Variants in JAK2 observed in about 807,000 individuals in gnomAD.
JAK2 encodes Janus kinase 2.
Under a neutral mutation model 139.3 loss-of-function variants are expected in JAK2, and 86 were observed. The ratio of observed to expected loss-of-function variants is 0.62; its 90% CI spans 0.52 to 0.74. The LOEUF is 0.74. JAK2 is among the 30% of genes least tolerant of loss of function. The pLI is 0.00. For missense variants in JAK2, 1,421 were observed against 1,360.3 expected (o/e 1.04, Z -0.70); for synonymous variants, 490 against 437.7 (o/e 1.12, Z -1.49).
intron 2 of JAK2, among the ~76,000 whole-genome samples, chr9:4,998,840 T>C (rs1331926775): frequency 6.6e-6 from 1 of 151,902 alleles, no homozygotes; most frequent in Non-Finnish European, 1.5e-5. Context: ...TCTCAGGAGT[T>C]CTTTTTTTGA....
At chr9:4,991,142 A>G (rs1241372422) in intron 2 of JAK2, among the ~76,000 whole-genome samples, 1 of 152,234 alleles carries the variant, frequency 6.6e-6, no homozygotes, top group East Asian at 1.9e-4. Flanking sequence ...CTTGGTCGAT[A>G]ACTTATAAAT....
chr9:5,080,573 C>T lies in JAK2; in HGVS notation c.2324C>T (p.Pro775Leu), dbSNP rs972160540. 2 of 1,600,368 alleles carry T rather than the reference C, an allele frequency of 1.2e-6. No homozygotes were observed. Among genetic ancestry groups the T allele is most frequent in the Admixed American group, 3.5e-5 (2 of 56,838 alleles). Residue 775 changes from proline to leucine, a missense_variant, in exon 18 of 25, where the codon CCA becomes CTA. Transcript: ENST00000381652. ...FYEDRHQLPA[P>L]KWAELANLIN... The stretch of plus-strand genomic sequence containing the variant: ...GAAGATAGGCATCAGCTTCCTGCAC[C>T]AAAGTGGGCAGAATTAGCAAACCTT...
At chr9:4,993,480 A>G (rs1820379407) in intron 2 of JAK2, among the ~76,000 whole-genome samples, 1 of 152,218 alleles carries the variant, frequency 6.6e-6, no homozygotes. Flanking sequence ...AAGAAGCCAA[A>G]TTGCTTTAAC....
intron 22 of JAK2, among the ~76,000 whole-genome samples, chr9:5,091,929 T>C (rs1365242538): frequency 3.3e-5 from 5 of 151,908 alleles, no homozygotes; most frequent in African/African-American, 9.7e-5. Flanking sequence ...TGGAGTGGTA[T>C]AGTTGTTTGG....
intron 22 of JAK2, among the ~76,000 whole-genome samples, chr9:5,105,834 T>C (rs957224341): frequency 9.2e-5 from 14 of 152,232 alleles, no homozygotes; most frequent in African/African-American, 3.4e-4. Flanking sequence ...ATTTAATAAA[T>C]GGTGCTGGGA....
intron 22 of JAK2, chr9:5,112,064 C>G (rs367618490): frequency 7.5e-6 from 3 of 400,700 alleles, no homozygotes; most frequent in South Asian, 3.7e-5. Flanking sequence ...GGGGTCTCCA[C>G]GGCCTGGAGA....
chr9:5,049,246 G>C (rs1268347488), intron 5 of JAK2, among the ~76,000 whole-genome samples: 1 of 152,092 alleles, frequency 6.6e-6, no homozygotes, highest in Non-Finnish European at 1.5e-5. Context: ...GCCAATGGAA[G>C]AGACATGATG....
chr9:5,021,008 ATG>A (rs1822385239), intron 2 of JAK2, among the ~76,000 whole-genome samples: 1 of 152,036 alleles, frequency 6.6e-6, no homozygotes, highest in Non-Finnish European at 1.5e-5. Flanking sequence ...GCAGCTCCCT[ATG>A]TTACTCCCAG....
At chr9:5,002,253 T>A (rs1820968401) in intron 2 of JAK2, among the ~76,000 whole-genome samples, 1 of 151,958 alleles carries the variant, frequency 6.6e-6, no homozygotes, top group Admixed American at 6.5e-5. Flanking sequence ...TTTCATATCT[T>A]TCTTCTTTTC....
chr9:5,001,288 C>T (rs571770059), intron 2 of JAK2, among the ~76,000 whole-genome samples: 16 of 152,244 alleles, frequency 1.1e-4, no homozygotes, highest in Admixed American at 3.9e-4. Context: ...ATGGAGAAAG[C>T]ATTCAATATG....
chr9:5,081,498 T>G (rs1387188329), intron 18 of JAK2, among the ~76,000 whole-genome samples: 2 of 152,234 alleles, frequency 1.3e-5, no homozygotes, highest in Non-Finnish European at 1.5e-5. Context: ...TAAAACTTCT[T>G]ATTTTGGAAA....
At chr9:5,070,720 A>T (rs1183680890) in intron 12 of JAK2, among the ~76,000 whole-genome samples, 1 of 152,150 alleles carries the variant, frequency 6.6e-6, no homozygotes, top group Non-Finnish European at 1.5e-5. Context: ...GATTTATTGA[A>T]AAAAACCCAC....
At chr9:5,034,499 C>T (rs2130205409) in intron 4 of JAK2, among the ~76,000 whole-genome samples, 1 of 152,070 alleles carries the variant, frequency 6.6e-6, no homozygotes, top group South Asian at 2.1e-4. Context: ...TAAAGCACTC[C>T]TCAGCAAGTG....
chr9:5,011,329 G>A (rs1821687730), intron 2 of JAK2, among the ~76,000 whole-genome samples: 1 of 152,036 alleles, frequency 6.6e-6, no homozygotes, highest in Admixed American at 6.6e-5. Context: ...GGGACTACGG[G>A]CACAGAGCAC....
At chr9:5,125,932 C>T (rs1385457662) in intron 23 of JAK2, 2 of 152,344 alleles carry the variant, frequency 1.3e-5, no homozygotes, top group African/African-American at 4.8e-5. Context: ...TAAACTTTGA[C>T]ATATGAAAGT....
At chr9:5,119,425 A>C (rs936004434) in intron 22 of JAK2, among the ~76,000 whole-genome samples, 3 of 152,024 alleles carry the variant, frequency 2.0e-5, no homozygotes, top group African/African-American at 7.2e-5. Context: ...TCATAATGAA[A>C]GCCTAAAAAA....
chr9:4,997,470 A>C (rs947190473), intron 2 of JAK2, among the ~76,000 whole-genome samples: 2 of 152,086 alleles, frequency 1.3e-5, no homozygotes, highest in African/African-American at 4.8e-5. Context: ...CACACTTTTA[A>C]ACAGCCAAAT....
In JAK2 at chr9:5,055,701, T is replaced by C; in HGVS notation, c.969T>C (p.Ile323=). ...AGTTATATTGCGATTTTCCTAATAT[T>C]ATTGATGTCAGTATTAAGCAAGCAA... The part of the protein sequence containing the change: ...DLQLYCDFPN[I]IDVSIKQANQ... Residue 323 remains isoleucine (I), a synonymous_variant, in exon 8 of 25, where the codon ATT becomes ATC. Coordinates refer to ENST00000381652, the MANE Select transcript of JAK2 (RefSeq NM_004972.4). The C allele has an allele frequency of 6.3e-7, 1 of 1,586,606 alleles. No homozygotes were observed. Among genetic ancestry groups the C allele is most frequent in the Non-Finnish European group, 8.6e-7 (1 of 1,156,256 alleles).
chr9:5,041,263 C>T (rs1387293391), intron 4 of JAK2: 2 of 1,356,598 alleles, frequency 1.5e-6, no homozygotes, highest in African/African-American at 1.4e-5. Context: ...ACATCATCGA[C>T]CTCGGGCTGG....
Sources: allele counts gnomAD v4.1 joint callset (sites outside exome capture counted in the v4.1 genomes callset), GRCh38; gene constraint gnomAD v4.1.1; transcripts MANE v1.5; gene names NCBI Gene and HGNC (gene_info 2026-07-23, HGNC 2026-07-21).